Variants in ZCWPW2 observed in about 807,000 individuals in gnomAD.
The protein encoded by ZCWPW2 is zinc finger CW-type and PWWP domain containing 2.
In ZCWPW2, 45 loss-of-function variants were observed where a neutral mutation model predicts 46.6. The observed-to-expected ratio is 0.96, with a 90% CI of 0.76 to 1.24. The LOEUF is 1.24. ZCWPW2 is among the 50% of genes most tolerant of loss of function. ZCWPW2 has a pLI of 0.00. For synonymous variants in ZCWPW2, 152 were observed against 137.1 expected, an observed-to-expected ratio of 1.11 and a Z score of -0.76; for missense variants, 429 against 403.9, an observed-to-expected ratio of 1.06 and a Z score of -0.53.
rs1000221676 is a variant in ZCWPW2, at chr3:28,442,612, A to G, written c.492+7343A>G. On this transcript the variant is annotated intron_variant, in intron 4 of 9. Transcript: ENST00000383768. Reference sequence around the variant, plus strand: ...AGGCAAATTGCTTCTGGTGGGCCTTATGGACAGGAATGGAGAAAAAGGTAT... The same window carrying G: ...AGGCAAATTGCTTCTGGTGGGCCTTGTGGACAGGAATGGAGAAAAAGGTAT... Among the ~76,000 whole-genome samples, 7 of 152,228 alleles carry G rather than the reference A, an allele frequency of 4.6e-5. 1 individual carries two copies. Among genetic ancestry groups the G allele is most frequent in the Admixed American group, 1.3e-4 (2 of 15,286 alleles).
intron 3 of ZCWPW2, among the ~76,000 whole-genome samples, chr3:28,426,495 G>A (rs1453528120): frequency 6.6e-6 from 1 of 152,016 alleles, no homozygotes; most frequent in Non-Finnish European, 1.5e-5. Context: ...ATAAAATATG[G>A]CTTTAAGTTA....
intron 1 of ZCWPW2, among the ~76,000 whole-genome samples, chr3:28,389,978 T>C (rs953388174): frequency 2.6e-5 from 4 of 152,240 alleles, no homozygotes; most frequent in African/African-American, 9.6e-5. Flanking sequence ...GTGTTAATCT[T>C]ATCTGAAAAC....
At chr3:28,400,160 A>G (rs1170930253) in intron 2 of ZCWPW2, among the ~76,000 whole-genome samples, 1 of 152,180 alleles carries the variant, frequency 6.6e-6, no homozygotes, top group Non-Finnish European at 1.5e-5. Flanking sequence ...TCAGCAATAG[A>G]ATGGAACAAG....
intron 1 of ZCWPW2, among the ~76,000 whole-genome samples, chr3:28,353,994 A>G (rs1445323649): frequency 6.6e-6 from 1 of 152,250 alleles, no homozygotes; most frequent in Non-Finnish European, 1.5e-5. Flanking sequence ...TTTATTCAAT[A>G]TTTGACAAAT....
intron 4 of ZCWPW2, chr3:28,461,043 T>A (rs1383335773): frequency 4.1e-6 from 1 of 242,066 alleles, no homozygotes; most frequent in Non-Finnish European, 9.4e-6. Context: ...GATCAATATT[T>A]GAAATCATAC....
In ZCWPW2 at chr3:28,381,628, A is replaced by G. The variant is rs76848993; in HGVS notation, c.-133-8870A>G. ...CAGTGAGACTATGTCTTTACTAAAA[A>G]TAAAATAAATTAGATGAGCATGGTG... On this transcript the variant is annotated intron_variant, in intron 1 of 9. Coordinates refer to ENST00000383768, the MANE Select transcript of ZCWPW2 (RefSeq NM_001040432.4). 6.8e-3 allele frequency among the ~76,000 whole-genome samples: 1,035 copies of G among 152,230 alleles called. 10 individuals carry two copies. Among genetic ancestry groups the G allele is most frequent in the African/African-American group, 0.023 (938 of 41,508 alleles).
rs6807612 is a variant in ZCWPW2 at position 28,372,327 on chromosome 3, G to T, written c.-133-18171G>T. Among the ~76,000 whole-genome samples the T allele has an allele frequency of 3.3e-5, 5 of 151,962 alleles. No homozygotes were observed. The East Asian group carries it at 9.7e-4, about 29-fold the overall frequency. ...ATTTTTTTTGTGATATAAAGACATG[G>T]AAGTTTTTAGAAGCTTAAGAGAATC... On this transcript the variant is annotated intron_variant, in intron 1 of 9. Transcript: ENST00000383768.
intron 3 of ZCWPW2, among the ~76,000 whole-genome samples, chr3:28,433,538 G>A (rs958484410): frequency 9.2e-5 from 14 of 152,046 alleles, no homozygotes; most frequent in East Asian, 3.9e-4. Context: ...AGGCCAAGGC[G>A]GGCGGATCAC....
At chr3:28,436,699 T>A (rs968894473) in intron 4 of ZCWPW2, among the ~76,000 whole-genome samples, 1 of 152,192 alleles carries the variant, frequency 6.6e-6, no homozygotes, top group African/African-American at 2.4e-5. Flanking sequence ...ACATTAAGTA[T>A]GGAATAACAC....
chr3:28,465,924 C>T lies in ZCWPW2; in HGVS notation c.493-12890C>T, dbSNP rs138241607. On this transcript the variant is annotated intron_variant, in intron 4 of 9. Coordinates refer to ENST00000383768, the MANE Select transcript of ZCWPW2 (RefSeq NM_001040432.4). ...CACAATAGCAAATACATGGAATCAA[C>T]CTAGATGCCCATCATTGGTAGGCTG... Among the ~76,000 whole-genome samples, 385 of 152,182 alleles carry T rather than the reference C, an allele frequency of 2.5e-3. 1 individual carries two copies. Among genetic ancestry groups the T allele is most frequent in the African/African-American group, 8.4e-3 (349 of 41,544 alleles).
At chr3:28,428,118 C>A (rs1197151282) in intron 3 of ZCWPW2, 2 of 152,152 alleles carry the variant, frequency 1.3e-5, no homozygotes, top group African/African-American at 2.4e-5. Flanking sequence ...AAGGTAAACT[C>A]CACTCAAGTT....
intron 1 of ZCWPW2, among the ~76,000 whole-genome samples, chr3:28,387,663 A>G (rs1232228251): frequency 6.6e-6 from 1 of 152,184 alleles, no homozygotes; most frequent in Non-Finnish European, 1.5e-5. Context: ...TAAGAGGAAT[A>G]ATTTAAGAAT....
intron 1 of ZCWPW2, among the ~76,000 whole-genome samples, chr3:28,360,546 T>C (rs1397247137): frequency 6.6e-6 from 1 of 151,068 alleles, no homozygotes; most frequent in Non-Finnish European, 1.5e-5. Flanking sequence ...AAATTCTGTT[T>C]GTATGCATCT....
rs1402516457 is a variant in ZCWPW2 at position 28,489,666 on chromosome 3, GCGCACACACACACACA to G, written c.611-2459_611-2444del. On this transcript the variant is annotated intron_variant, in intron 5 of 9. Coordinates refer to ENST00000383768, the MANE Select transcript of ZCWPW2 (RefSeq NM_001040432.4). ...TTCTCTCTCTTTCACACACACACGC[GCGCACACACACACACA>G]CACACACACACACACACACACACCC... Among the ~76,000 whole-genome samples the G allele has an allele frequency of 1.9e-3, 277 of 147,544 alleles. 1 individual carries two copies. The highest frequency in any genetic ancestry group is 2.8e-3 in the Non-Finnish European group (188 of 66,888).
chr3:28,523,385 A>G (rs1700772946), intron 9 of ZCWPW2, among the ~76,000 whole-genome samples: 1 of 152,210 alleles, frequency 6.6e-6, no homozygotes, highest in Non-Finnish European at 1.5e-5. Context: ...AGAAGTAATC[A>G]CATGTTGGAT....
Position 28,478,847 on chromosome 3 carries a change from A to C in ZCWPW2, c.526A>C (p.Lys176Gln). The C allele has an allele frequency of 6.3e-7, 1 of 1,576,972 alleles. No homozygotes were observed. The highest frequency in any genetic ancestry group is 8.6e-7 in the Non-Finnish European group (1 of 1,165,760). The change falls in exon 5 of 10, where the codon AAA (lysine) becomes CAA (glutamine). Residue 176 changes from lysine to glutamine, a missense_variant. By Grantham distance (53) the Lys-to-Gln change is moderately conservative. Transcript: ENST00000383768. ...GTGTAAGAATAAAAAGAAGTGGTAT[A>C]AAAGTGCACTACAAGAAGCATGTCT... ...EKCKNKKKWY[K>Q]SALQEACLLY...
chr3:28,379,668 G>A (rs986126604), intron 1 of ZCWPW2, among the ~76,000 whole-genome samples: 2 of 151,970 alleles, frequency 1.3e-5, no homozygotes, highest in Admixed American at 6.6e-5. Context: ...GCAAAATTAA[G>A]GAACTTAGGA....
intron 4 of ZCWPW2, among the ~76,000 whole-genome samples, chr3:28,466,927 TA>T (rs1370001660): frequency 5.3e-5 from 8 of 151,996 alleles, no homozygotes; most frequent in Non-Finnish European, 7.4e-5. Context: ...CCATCTCAAT[TA>T]AAAAAAACAA....
intron 5 of ZCWPW2, among the ~76,000 whole-genome samples, chr3:28,481,754 G>T (rs545811697): frequency 6.6e-6 from 1 of 152,094 alleles, no homozygotes; most frequent in South Asian, 2.1e-4. Context: ...TATGTGAAAA[G>T]ATTTTATTTG....
Sources: gnomAD v4.1 joint callset for allele counts (sites outside exome capture counted in the v4.1 genomes callset) on GRCh38, gnomAD v4.1.1 for gene constraint, MANE v1.5 for transcripts, NCBI Gene and HGNC (gene_info 2026-07-23, HGNC 2026-07-21) for gene names.